Variants in TTC28 observed in about 807,000 individuals in gnomAD.
The protein encoded by TTC28 is tetratricopeptide repeat protein 28.
Under a neutral mutation model 198.0 loss-of-function variants are expected in TTC28, and 61 were observed. The ratio of observed to expected loss-of-function variants is 0.31; its 90% CI spans 0.25 to 0.38. The LOEUF (loss-of-function observed/expected upper bound fraction) is 0.38, where lower values mean the gene tolerates loss of function less well. Ranked by LOEUF, TTC28 falls within the 10% of genes least tolerant of loss-of-function variation. The pLI is 1.00. For missense variants in TTC28, 2,678 were observed against 3,164.0 expected, an observed-to-expected ratio of 0.85 and a Z score of 3.69; for synonymous variants, 1,171 against 1,297.8, an observed-to-expected ratio of 0.90 and a Z score of 2.10.
chr22:27,998,823 C>T lies in TTC28; in HGVS notation c.4836G>A (p.Leu1612=). 1 of 1,550,474 alleles carries T rather than the reference C, an allele frequency of 6.4e-7. No homozygotes were observed. ...CCAGCTTCACAGGCAGCTGCAGGTC[C>T]AGGACGTCGGCGGCAGTAAGCAGCA... The part of the protein sequence containing the change: ...QELLLTAADV[L]DLQLPVKLVV... Residue 1612 remains leucine (L), a synonymous_variant, in exon 16 of 23, where the codon CTG becomes CTA. Coordinates refer to ENST00000397906, the MANE Select transcript of TTC28 (RefSeq NM_001145418.2).
chr22:28,032,267 A>ATATATATATAGT (rs1226631612), intron 12 of TTC28, among the ~76,000 whole-genome samples: 2 of 78,718 alleles, frequency 2.5e-5, no homozygotes, highest in Non-Finnish European at 4.7e-5. Flanking sequence ...ATATATATAT[A>ATATATATATAGT]GTGTGTGTGT....
Position 28,069,464 on chromosome 22 carries a change from C to G in TTC28, c.3932+24616G>C, listed in dbSNP as rs566710307. ...CCAAAAAGAAGCAAGCTGAGAGGCT[C>G]TAATAGGAAGTGAGAGCTAAAATGT... is the stretch of plus-strand genomic sequence containing the variant. On this transcript the variant is annotated intron_variant, in intron 12 of 22. Coordinates refer to ENST00000397906, the MANE Select transcript of TTC28 (RefSeq NM_001145418.2). Among the ~76,000 whole-genome samples, 3 of 152,190 alleles carry G rather than the reference C, an allele frequency of 2.0e-5. No individual in the cohort carries two copies. The East Asian group carries it at 5.8e-4, about 29-fold the overall frequency.
chr22:28,434,515 C>T lies in TTC28; in HGVS notation c.382-127872G>A, dbSNP rs562236306. 3.9e-5 allele frequency among the ~76,000 whole-genome samples: 6 copies of T among 152,256 alleles called. No homozygotes were observed. In the South Asian group the frequency reaches 1.2e-3, roughly 32 times the overall value. On this transcript the variant is annotated intron_variant, in intron 2 of 22. Transcript: ENST00000397906. ...CCTAACCAACAAGGTGAAACCCCAT[C>T]TCTACTCTCCATTCCACCCTCTGTT...
chr22:27,995,606 G>C (rs973984431), intron 17 of TTC28, among the ~76,000 whole-genome samples: 17 of 152,156 alleles, frequency 1.1e-4, no homozygotes, highest in Admixed American at 9.2e-4. Flanking sequence ...GGGGCAGACT[G>C]GTATCATCTG....
intron 2 of TTC28, among the ~76,000 whole-genome samples, chr22:28,534,804 T>A (rs947296311): frequency 1.3e-5 from 2 of 151,692 alleles, no homozygotes; most frequent in Non-Finnish European, 2.9e-5. Flanking sequence ...GAGCAAACTA[T>A]CGCAAGGAAA....
At chr22:28,546,211 C>G (rs2049537485) in intron 2 of TTC28, among the ~76,000 whole-genome samples, 1 of 152,154 alleles carries the variant, frequency 6.6e-6, no homozygotes, top group African/African-American at 2.4e-5. Flanking sequence ...GACAAAGGTA[C>G]CAGGTGTGGT....
intron 2 of TTC28, among the ~76,000 whole-genome samples, chr22:28,495,686 A>T (rs966855257): frequency 1.3e-5 from 2 of 152,176 alleles, no homozygotes; most frequent in African/African-American, 4.8e-5. Context: ...TCAGGACAAT[A>T]GTTGTGGAAA....
In TTC28 at chr22:28,359,405, T is replaced by C. The variant is rs142201517; in HGVS notation, c.382-52762A>G. 1.8e-3 allele frequency among the ~76,000 whole-genome samples: 270 copies of C among 152,316 alleles called. 1 individual carries two copies. Among genetic ancestry groups the C allele is most frequent in the African/African-American group, 6.1e-3 (255 of 41,566 alleles). On this transcript the variant is annotated intron_variant, in intron 2 of 22. Coordinates refer to ENST00000397906, the MANE Select transcript of TTC28 (RefSeq NM_001145418.2). ...TTTAAATTGATCAAGCAAATTGGTT[T>C]AGTGATTGGGTCAAGGAAAACAGCT...
chr22:28,382,658 T>C (rs1464663512), intron 2 of TTC28, among the ~76,000 whole-genome samples: 1 of 151,964 alleles, frequency 6.6e-6, no homozygotes, highest in East Asian at 1.9e-4. Context: ...TCAAAAGAAA[T>C]AAAAGCTAAA....
At chr22:28,606,714 A>G (rs1317735102) in intron 2 of TTC28, among the ~76,000 whole-genome samples, 1 of 152,218 alleles carries the variant, frequency 6.6e-6, no homozygotes, top group African/African-American at 2.4e-5. Context: ...CTGAGCATAG[A>G]TTCAAACGCA....
intron 5 of TTC28, among the ~76,000 whole-genome samples, chr22:28,190,216 G>A (rs1924606119): frequency 6.6e-6 from 1 of 152,078 alleles, no homozygotes; most frequent in South Asian, 2.1e-4. Context: ...CTGCTGAGGG[G>A]GTACTTTGTG....
At chr22:28,572,074 C>CT (rs2050071788) in intron 2 of TTC28, among the ~76,000 whole-genome samples, 1 of 151,960 alleles carries the variant, frequency 6.6e-6, no homozygotes, top group Admixed American at 6.6e-5. Flanking sequence ...TAGCTCATGC[C>CT]TGTAATCCCA....
At chr22:28,458,122 G>C (rs919353079) in intron 2 of TTC28, among the ~76,000 whole-genome samples, 1 of 151,870 alleles carries the variant, frequency 6.6e-6, no homozygotes, top group African/African-American at 2.4e-5. Flanking sequence ...GGATTTACTA[G>C]GTATAAAATA....
chr22:28,020,970 C>A (rs1009777627), intron 13 of TTC28, among the ~76,000 whole-genome samples: 5 of 152,148 alleles, frequency 3.3e-5, no homozygotes, highest in Admixed American at 3.3e-4. Context: ...TCACCTCAAC[C>A]CACTCTGCTC....
chr22:28,297,432 TG>T, intron 4 of TTC28, 147 bp downstream of exon 4: 1 of 969,440 alleles, frequency 1.0e-6, no homozygotes, highest in Non-Finnish European at 1.5e-6. Flanking sequence ...CTCAAATTCC[TG>T]GCCTTAAGCA....
At chr22:28,096,164 C>T in intron 11 of TTC28, 26 bp downstream of exon 11, 1 of 1,517,394 alleles carries the variant, frequency 6.6e-7, no homozygotes, top group Non-Finnish European at 8.9e-7. Context: ...TTCTAATTGC[C>T]CTGTTCCCAC....
chr22:28,130,985 A>G (rs1007754947), intron 6 of TTC28, among the ~76,000 whole-genome samples: 2 of 152,194 alleles, frequency 1.3e-5, no homozygotes, highest in African/African-American at 4.8e-5. Context: ...AATATACTCA[A>G]TTATCCCTTT....
intron 2 of TTC28, among the ~76,000 whole-genome samples, chr22:28,370,710 G>A (rs2145988797): frequency 6.6e-6 from 1 of 152,292 alleles, no homozygotes; most frequent in African/African-American, 2.4e-5. Flanking sequence ...AAAGAGAGTA[G>A]TAGAGAGAGA....
intron 6 of TTC28, among the ~76,000 whole-genome samples, chr22:28,111,736 TCA>T (rs1942487433): frequency 6.6e-6 from 1 of 152,074 alleles, no homozygotes; most frequent in South Asian, 2.1e-4. Context: ...TTTTTTTCCC[TCA>T]CAGCTTTTGG....
Sources: allele counts gnomAD v4.1 joint callset (sites outside exome capture counted in the v4.1 genomes callset), GRCh38; gene constraint gnomAD v4.1.1; transcripts MANE v1.5; gene names NCBI Gene and HGNC (gene_info 2026-07-23, HGNC 2026-07-21).